The following IHO1 variants were observed in gnomAD, a reference collection of about 807,000 sequenced individuals.
IHO1 encodes interactor of HORMAD1 1.
Under a neutral mutation model 31.0 loss-of-function variants are expected in IHO1, and 13 were observed. That is an observed-to-expected ratio of 0.42 (90% CI 0.27 to 0.67). The LOEUF is 0.67. IHO1 is among the 30% of genes least tolerant of loss of function. The pLI, the probability that IHO1 is intolerant of heterozygous loss-of-function variation, is 0.24. For missense variants in IHO1, 599 were observed against 687.5 expected (o/e 0.87, Z 1.44); for synonymous variants, 221 against 248.4 (o/e 0.89, Z 1.04).
intron 2 of IHO1, among the ~76,000 whole-genome samples, chr3:49,234,891 G>C (rs1213221918): frequency 6.6e-6 from 1 of 151,374 alleles, no homozygotes; most frequent in Non-Finnish European, 1.5e-5. Context: ...GTATCACCCA[G>C]GCTGGAGTGC....
chr3:49,233,186 A>G (rs1338308143), intron 2 of IHO1, among the ~76,000 whole-genome samples: 1 of 152,168 alleles, frequency 6.6e-6, no homozygotes, highest in Non-Finnish European at 1.5e-5. Context: ...GGTTTAAACA[A>G]AACGGTCAGA....
intron 1 of IHO1, among the ~76,000 whole-genome samples, chr3:49,202,323 A>ATTTT (rs66767086): frequency 7.5e-6 from 1 of 132,494 alleles, no homozygotes; most frequent in African/African-American, 2.8e-5. Context: ...CTTCTTTTTA[A>ATTTT]TTTTTTTTTT....
At chr3:49,221,799 C>T (rs1057287877) in intron 2 of IHO1, among the ~76,000 whole-genome samples, 11 of 152,290 alleles carry the variant, frequency 7.2e-5, no homozygotes, top group Non-Finnish European at 1.2e-4. Flanking sequence ...GGCCCGAAGG[C>T]GAGTAATAGC....
At chr3:49,227,143 A>G (rs1001086534) in intron 2 of IHO1, among the ~76,000 whole-genome samples, 1 of 152,144 alleles carries the variant, frequency 6.6e-6, no homozygotes, top group Non-Finnish European at 1.5e-5. Context: ...TGGACATAAG[A>G]TATTTCACTC....
chr3:49,191,750 A>T, the IHO1 span: 1 of 1,579,580 alleles, frequency 6.3e-7, no homozygotes, highest in East Asian at 2.3e-5. Context: ...CTTACCCAGG[A>T]GCCTACTAAA....
chr3:49,255,249 G>A (rs549255533), intron 6 of IHO1, 141 bp from the exon 7 acceptor site: 1 of 547,412 alleles, frequency 1.8e-6, no homozygotes, highest in Non-Finnish European at 3.2e-6. Context: ...TTGTCAAGGA[G>A]GGAGGGAAGG....
At chr3:49,197,971 A>G (rs1225030617), upstream of IHO1, among the ~76,000 whole-genome samples, 1 of 152,008 alleles carries the variant, frequency 6.6e-6, no homozygotes, top group Non-Finnish European at 1.5e-5. Context: ...TATGGCACTC[A>G]TTTGCCTCAG....
At chr3:49,209,801 G>A (rs1253739888) in intron 1 of IHO1, among the ~76,000 whole-genome samples, 1 of 148,432 alleles carries the variant, frequency 6.7e-6, no homozygotes, top group Non-Finnish European at 1.5e-5. Context: ...TGCAAGCTCT[G>A]CCTCCCGGGT....
intron 1 of IHO1, among the ~76,000 whole-genome samples, chr3:49,202,535 G>A (rs1575562168): frequency 1.4e-5 from 1 of 72,668 alleles, no homozygotes; most frequent in Non-Finnish European, 3.0e-5. Flanking sequence ...GTGTGTGTGT[G>A]TGTGTGTGTG....
chr3:49,218,727 C>T (rs1421840881), intron 2 of IHO1, among the ~76,000 whole-genome samples: 1 of 152,150 alleles, frequency 6.6e-6, no homozygotes, highest in East Asian at 1.9e-4. Context: ...CAAGTATGAA[C>T]TTACACAAAC....
At chr3:49,227,683 G>A (rs1409636883) in intron 2 of IHO1, among the ~76,000 whole-genome samples, 2 of 152,132 alleles carry the variant, frequency 1.3e-5, no homozygotes, top group African/African-American at 2.4e-5. Flanking sequence ...GCATTCTCCT[G>A]TTAGTACTGG....
Position 49,257,438 on chromosome 3 carries a change from C to CACCTGGTACCCAGA in IHO1, c.*157_*158insCCTGGTACCCAGAA. 1 of 700,838 alleles carries CACCTGGTACCCAGA rather than the reference C, an allele frequency of 1.4e-6. No individual in the cohort carries two copies. The highest frequency in any genetic ancestry group is 2.4e-6 in the Non-Finnish European group (1 of 409,628). The allele number at this position is 700,838 out of a possible 1,614,324, so 43.4% of individuals were successfully genotyped here. On this transcript the variant is annotated 3_prime_UTR_variant, in exon 8 of 8. Transcript: ENST00000452691. ...GAGCACGAGGGCAGGGAAGGTCCAG[C>CACCTGGTACCCAGA]ATTCTGGGTACCAGGTGCTGCCCCT...
intron 2 of IHO1, among the ~76,000 whole-genome samples, chr3:49,225,763 T>C (rs1424728024): frequency 6.6e-6 from 1 of 152,178 alleles, no homozygotes; most frequent in Non-Finnish European, 1.5e-5. Context: ...CAGTACTCCT[T>C]GGATGGTAAC....
chr3:49,206,332 G>A (rs1470250657), intron 1 of IHO1, among the ~76,000 whole-genome samples: 2 of 151,484 alleles, frequency 1.3e-5, no homozygotes, highest in African/African-American at 2.4e-5. Flanking sequence ...TCTTGACCTC[G>A]TGATCCGCCC....
At chr3:49,253,828 CTTTTTTTTTTTT>C (rs139087366) in intron 6 of IHO1, among the ~76,000 whole-genome samples, 1 of 72,236 alleles carries the variant, frequency 1.4e-5, no homozygotes, top group African/African-American at 5.9e-5. Context: ...CTTTATTTGT[CTTTTTTTTTTTT>C]TTTTTTTTTT....
chr3:49,206,867 G>A (rs1488045464), intron 1 of IHO1, among the ~76,000 whole-genome samples: 1 of 151,942 alleles, frequency 6.6e-6, no homozygotes, highest in Non-Finnish European at 1.5e-5. Flanking sequence ...GGCCAACATG[G>A]TGAAACCCTG....
chr3:49,236,629 G>A lies in IHO1; in HGVS notation c.138G>A (p.Gln46=). 1 of 1,613,792 alleles carries A rather than the reference G, an allele frequency of 6.2e-7. No homozygotes were observed. Among genetic ancestry groups the A allele is most frequent in the Non-Finnish European group, 8.5e-7 (1 of 1,179,800 alleles). Residue 46 remains glutamine, a synonymous_variant, in exon 3 of 8, where the codon CAG becomes CAA. Transcript: ENST00000452691. ...ATTCCCAGTTCCTCTTTGGATCTCA[G>A]TTCTGTCCAGAAAATTCAGAAACCC... ...LSDSQFLFGS[Q]FCPENSETLS... is the part of the protein sequence containing the mutation.
rs2046670819 is a variant in IHO1 at position 49,244,452 on chromosome 3, G to A, written c.444G>A (p.Arg148=). The A allele has an allele frequency of 1.3e-6, 2 of 1,549,960 alleles. No individual in the cohort carries two copies. Among genetic ancestry groups the A allele is most frequent in the Non-Finnish European group, 8.8e-7 (1 of 1,136,862 alleles). Reference sequence around the variant, plus strand: ...CTAATGTTAGAGAAAGCATTCTCAGGGTAAGTACAGATACTTTTCAAGGAG... The same window carrying A: ...CTAATGTTAGAGAAAGCATTCTCAGAGTAAGTACAGATACTTTTCAAGGAG... ...FVSNVRESIL[R]LQTSVEKSED... is the part of the protein sequence containing the mutation. Residue 148 remains arginine, a splice_region_variant and synonymous_variant, in exon 5 of 8, where the codon AGG becomes AGA. Coordinates refer to ENST00000452691, the MANE Select transcript of IHO1 (RefSeq NM_001135197.2).
At chr3:49,255,558 CTTTTTTTTT>C in intron 7 of IHO1, 65 bp downstream of exon 7, 1 of 354,438 alleles carries the variant, frequency 2.8e-6, no homozygotes, top group South Asian at 4.0e-5. Flanking sequence ...CAGAGAGAAA[CTTTTTTTTT>C]TTTTTTTTTT....
Sources: gnomAD v4.1 joint callset for allele counts (sites outside exome capture counted in the v4.1 genomes callset) on GRCh38, gnomAD v4.1.1 for gene constraint, MANE v1.5 for transcripts, NCBI Gene and HGNC (gene_info 2026-07-23, HGNC 2026-07-21) for gene names.